DLG2: variants seen among roughly 807,000 people sequenced by gnomAD.
DLG2 encodes the protein discs large MAGUK scaffold protein 2.
DLG2 carries 45 observed loss-of-function variants against 132.5 expected under a neutral mutation model. The observed-to-expected ratio is 0.34, with a 90% CI of 0.27 to 0.44. DLG2 has a LOEUF of 0.44. DLG2 is among the 20% of genes least tolerant of loss of function. The pLI is 1.00. For synonymous variants in DLG2, 424 were observed against 419.6 expected (o/e 1.01, Z -0.13); for missense variants, 1,045 against 1,196.9 (o/e 0.87, Z 1.87).
At chr11:83,650,833 C>T (rs2070039821) in intron 18 of DLG2, among the ~76,000 whole-genome samples, 1 of 152,168 alleles carries the variant, frequency 6.6e-6, no homozygotes, top group South Asian at 2.1e-4. Flanking sequence ...AGACTTTCTA[C>T]TCCAGATGCC....
chr11:84,097,354 T>C (rs72951834), intron 10 of DLG2, among the ~76,000 whole-genome samples: 1,559 of 152,274 alleles, frequency 0.01, 10 homozygotes, highest in Non-Finnish European at 0.016. Flanking sequence ...CCCTTGATAA[T>C]TTATCAGCTT....
At chr11:84,308,747 G>C (rs1459080811) in intron 7 of DLG2, among the ~76,000 whole-genome samples, 3 of 152,120 alleles carry the variant, frequency 2.0e-5, no homozygotes, top group Non-Finnish European at 4.4e-5. Flanking sequence ...ACTGCTGGGG[G>C]ACCCAGTACA....
At chr11:84,446,628 C>CT (rs537654513) in intron 7 of DLG2, among the ~76,000 whole-genome samples, 21 of 150,336 alleles carry the variant, frequency 1.4e-4, no homozygotes, top group Admixed American at 2.7e-4. Context: ...TAAATTTACT[C>CT]TTTTTTTTTC....
intron 8 of DLG2, among the ~76,000 whole-genome samples, chr11:84,243,420 G>A (rs1443146533): frequency 6.6e-6 from 1 of 152,134 alleles, no homozygotes; most frequent in East Asian, 1.9e-4. Flanking sequence ...TTTCCTTATA[G>A]ATGTGTATAT....
chr11:84,126,763 A>T (rs2094193443), intron 9 of DLG2, among the ~76,000 whole-genome samples: 1 of 152,180 alleles, frequency 6.6e-6, no homozygotes, highest in African/African-American at 2.4e-5. Flanking sequence ...GTAGTACTTA[A>T]TTTACAATTA....
intron 3 of DLG2, among the ~76,000 whole-genome samples, chr11:85,496,169 T>C (rs2153114934): frequency 6.6e-6 from 1 of 152,296 alleles, no homozygotes; most frequent in African/African-American, 2.4e-5. Context: ...TGAGTTACTG[T>C]ACCTGGAGGA....
At chr11:85,582,538 T>G (rs2078596070) in intron 3 of DLG2, among the ~76,000 whole-genome samples, 2 of 151,184 alleles carry the variant, frequency 1.3e-5, no homozygotes. Flanking sequence ...AATATTAGTG[T>G]CCAGGCTGGG....
At chr11:84,595,114 TC>T (rs2099553367) in intron 6 of DLG2, among the ~76,000 whole-genome samples, 1 of 152,134 alleles carries the variant, frequency 6.6e-6, no homozygotes, top group Admixed American at 6.6e-5. Flanking sequence ...CTCATACCTA[TC>T]TTGAATATAT....
At chr11:84,218,215 G>A (rs1406483429) in intron 8 of DLG2, among the ~76,000 whole-genome samples, 1 of 147,826 alleles carries the variant, frequency 6.8e-6, no homozygotes, top group Non-Finnish European at 1.5e-5. Context: ...AGGAAGGAAG[G>A]AAAGAAAGGA....
At chr11:85,314,483 C>T (rs1283970535) in intron 3 of DLG2, among the ~76,000 whole-genome samples, 1 of 151,654 alleles carries the variant, frequency 6.6e-6, no homozygotes, top group Non-Finnish European at 1.5e-5. Flanking sequence ...ATTATACATG[C>T]ACACACATAT....
At chr11:84,476,922 G>A (rs905083524) in intron 7 of DLG2, among the ~76,000 whole-genome samples, 2 of 152,128 alleles carry the variant, frequency 1.3e-5, no homozygotes, top group Non-Finnish European at 2.9e-5. Flanking sequence ...GGCCACAGAA[G>A]CATGAGAGAT....
At chr11:84,737,645 G>A (rs1454710581) in intron 6 of DLG2, among the ~76,000 whole-genome samples, 2 of 151,828 alleles carry the variant, frequency 1.3e-5, no homozygotes, top group Non-Finnish European at 2.9e-5. Context: ...GTGTGGTGAA[G>A]GATTGGAATG....
At chr11:83,804,483 T>A (rs1003628647) in intron 17 of DLG2, among the ~76,000 whole-genome samples, 1 of 151,730 alleles carries the variant, frequency 6.6e-6, no homozygotes, top group African/African-American at 2.4e-5. Flanking sequence ...TAAAAACTCA[T>A]AAAGATTCAA....
intron 8 of DLG2, among the ~76,000 whole-genome samples, chr11:84,194,869 G>T: frequency 6.6e-6 from 1 of 152,276 alleles, no homozygotes; most frequent in East Asian, 1.9e-4. Flanking sequence ...TGGGGCCGGC[G>T]GCGCTGGCCA....
intron 6 of DLG2, among the ~76,000 whole-genome samples, chr11:84,600,780 C>T (rs528487659): frequency 9.0e-4 from 137 of 151,754 alleles, no homozygotes; most frequent in African/African-American, 3.2e-3. Flanking sequence ...ACTTTGTATA[C>T]CAAAGAAATC....
At chr11:84,007,829 C>A (rs1238032562) in intron 11 of DLG2, among the ~76,000 whole-genome samples, 1 of 151,580 alleles carries the variant, frequency 6.6e-6, no homozygotes, top group Non-Finnish European at 1.5e-5. Context: ...AAAATGATAT[C>A]AAGGAGGCTA....
At chr11:85,099,932 G>T (rs971624768) in intron 6 of DLG2, among the ~76,000 whole-genome samples, 4 of 152,076 alleles carry the variant, frequency 2.6e-5, no homozygotes, top group East Asian at 1.9e-4. Context: ...GCTTCTAAAG[G>T]CTCCTTCATC....
At chr11:83,673,278 C>T (rs1021879507) in intron 18 of DLG2, among the ~76,000 whole-genome samples, 4 of 152,108 alleles carry the variant, frequency 2.6e-5, no homozygotes, top group Admixed American at 6.5e-5. Flanking sequence ...TAAATAGGCT[C>T]GCTCTTTCAG....
rs76502741 is a variant in DLG2, at chr11:85,365,163, C to T, written c.41-79798G>A. ...AAAAAAATCATTAGCAAACCTAGGACGGCATCCCACCTTGCTGACTCTCAG... is the reference window on the plus strand; with the variant it reads ...AAAAAAATCATTAGCAAACCTAGGATGGCATCCCACCTTGCTGACTCTCAG... On this transcript the variant is annotated intron_variant, in intron 3 of 27. Transcript: ENST00000376104. Among the ~76,000 whole-genome samples, 57 of 152,230 alleles carry T rather than the reference C, an allele frequency of 3.7e-4. No homozygotes were observed. In the East Asian group the frequency reaches 8.5e-3, roughly 23 times the overall value.
Sources: gnomAD v4.1 joint callset for allele counts (sites outside exome capture counted in the v4.1 genomes callset) on GRCh38, gnomAD v4.1.1 for gene constraint, MANE v1.5 for transcripts, NCBI Gene and HGNC (gene_info 2026-07-23, HGNC 2026-07-21) for gene names.